The following ABCD3 variants were observed in gnomAD, a reference collection of about 807,000 sequenced individuals.
ABCD3 encodes ATP binding cassette subfamily D member 3.
A neutral mutation model predicts 105.5 loss-of-function variants in ABCD3; 41 were observed. The ratio of observed to expected loss-of-function variants is 0.39; its 90% CI spans 0.30 to 0.50. The LOEUF (loss-of-function observed/expected upper bound fraction) is 0.50, where lower values mean the gene tolerates loss of function less well. Ranked by LOEUF, ABCD3 falls within the 20% of genes least tolerant of loss-of-function variation. The pLI, the probability that ABCD3 is intolerant of heterozygous loss-of-function variation, is 0.84. For missense variants in ABCD3, 622 were observed against 806.3 expected, an observed-to-expected ratio of 0.77 and a Z score of 2.77; for synonymous variants, 258 against 269.0, an observed-to-expected ratio of 0.96 and a Z score of 0.40.
the ABCD3 span, among the ~76,000 whole-genome samples, chr1:94,398,584 A>G: frequency 1.6e-4 from 25 of 152,192 alleles, no homozygotes; most frequent in East Asian, 2.9e-3. Context: ...TCTGCATTCC[A>G]TCTTGGGATT....
At chr1:94,510,893 G>A (rs1346501925) in intron 21 of ABCD3, among the ~76,000 whole-genome samples, 11 of 152,030 alleles carry the variant, frequency 7.2e-5, no homozygotes, top group Non-Finnish European at 1.2e-4. Context: ...GTCTCTGCAC[G>A]TGAGATGGGT....
the ABCD3 span, among the ~76,000 whole-genome samples, chr1:94,413,380 C>T: frequency 7.9e-5 from 12 of 152,068 alleles, no homozygotes; most frequent in East Asian, 2.1e-3. Flanking sequence ...ATAAACACTA[C>T]GGGAGCTCTG....
the ABCD3 span, among the ~76,000 whole-genome samples, chr1:94,405,162 CA>C: frequency 6.6e-6 from 1 of 151,924 alleles, no homozygotes; most frequent in African/African-American, 2.4e-5. Context: ...ATGTAAATTC[CA>C]AAAGGTAACA....
chr1:94,475,821 T>TG, intron 7 of ABCD3, 84 bp downstream of exon 7: 3 of 1,071,174 alleles, frequency 2.8e-6, no homozygotes, highest in Non-Finnish European at 4.2e-6. Context: ...ATTGATTTTG[T>TG]GGACATAACA....
At chr1:94,474,266 A>G (rs1303618898) in intron 5 of ABCD3, among the ~76,000 whole-genome samples, 1 of 151,574 alleles carries the variant, frequency 6.6e-6, no homozygotes, top group African/African-American at 2.4e-5. Flanking sequence ...AGAGGGGGGA[A>G]TGCAAATCAT....
At chr1:94,513,525 C>G (rs919531600) in intron 21 of ABCD3, 1 of 151,962 alleles carries the variant, frequency 6.6e-6, no homozygotes, top group Admixed American at 6.6e-5. Context: ...AGCTACAAAA[C>G]TAATATAAAC....
intron 1 of ABCD3, among the ~76,000 whole-genome samples, chr1:94,419,836 A>G (rs755060673): frequency 1.1e-4 from 16 of 152,140 alleles, no homozygotes; most frequent in Non-Finnish European, 1.5e-4. Flanking sequence ...CTGGGCAATA[A>G]CAGCGCTTAC....
intron 1 of ABCD3, among the ~76,000 whole-genome samples, chr1:94,450,542 G>A (rs1488259758): frequency 6.6e-6 from 1 of 152,248 alleles, no homozygotes; most frequent in African/African-American, 2.4e-5. Flanking sequence ...TGTTCCTGCT[G>A]CAGATAACTA....
the ABCD3 span, chr1:94,406,755 T>C: frequency 1.3e-5 from 2 of 154,110 alleles, no homozygotes; most frequent in African/African-American, 4.8e-5. Context: ...GCCCATCTCC[T>C]TGATGTTTAT....
chr1:94,486,185 C>T (rs1227683069), intron 10 of ABCD3, among the ~76,000 whole-genome samples: 1 of 152,058 alleles, frequency 6.6e-6, no homozygotes, highest in Non-Finnish European at 1.5e-5. Context: ...GAGTGAGACT[C>T]TGTCTCAAAA....
chr1:94,391,634 A>C, the ABCD3 span, among the ~76,000 whole-genome samples: 1 of 152,116 alleles, frequency 6.6e-6, no homozygotes. Flanking sequence ...TTAGCACTGC[A>C]CTCCTCATTG....
chr1:94,513,032 T>A (rs981774475), intron 21 of ABCD3, among the ~76,000 whole-genome samples: 12 of 152,084 alleles, frequency 7.9e-5, no homozygotes, highest in African/African-American at 2.9e-4. Context: ...ATCTGCATTT[T>A]ACCAAAATTC....
At chr1:94,435,673 G>A (rs1659876313) in intron 1 of ABCD3, among the ~76,000 whole-genome samples, 1 of 152,174 alleles carries the variant, frequency 6.6e-6, no homozygotes, top group Non-Finnish European at 1.5e-5. Flanking sequence ...CTTATAAGGT[G>A]GAATGCTTCC....
chr1:94,480,385 A>G, intron 8 of ABCD3, 79 bp from the exon 9 acceptor site: 1 of 1,563,714 alleles, frequency 6.4e-7, no homozygotes, highest in Admixed American at 1.7e-5. Context: ...TAATTATAAA[A>G]ATTGTACATG....
At chr1:94,465,972 A>C (rs999676030) in intron 3 of ABCD3, among the ~76,000 whole-genome samples, 1 of 151,914 alleles carries the variant, frequency 6.6e-6, no homozygotes, top group Admixed American at 6.6e-5. Context: ...GCAGTTCCCA[A>C]AGAAAACGTA....
intron 20 of ABCD3, among the ~76,000 whole-genome samples, chr1:94,500,443 AAAAT>A (rs1235108745): frequency 2.0e-5 from 3 of 152,096 alleles, no homozygotes; most frequent in Non-Finnish European, 2.9e-5. Context: ...CGTCTCTCTA[AAAAT>A]AAATAAATAA....
intron 13 of ABCD3, among the ~76,000 whole-genome samples, chr1:94,489,427 A>C (rs1190011226): frequency 3.9e-5 from 6 of 152,064 alleles, no homozygotes; most frequent in African/African-American, 1.4e-4. Flanking sequence ...GTCCTTTTGT[A>C]GTATCCAAGA....
At chr1:94,420,614 A>G (rs1378854217) in intron 1 of ABCD3, among the ~76,000 whole-genome samples, 1 of 152,150 alleles carries the variant, frequency 6.6e-6, no homozygotes, top group Non-Finnish European at 1.5e-5. Context: ...ATAATCATGA[A>G]GTTTAAATTG....
chr1:94,468,300 A>C (rs951851481), intron 4 of ABCD3, among the ~76,000 whole-genome samples: 1 of 152,226 alleles, frequency 6.6e-6, no homozygotes, highest in African/African-American at 2.4e-5. Flanking sequence ...AAAATGCAGC[A>C]TAATAAGTGC....
Sources: gnomAD v4.1 joint callset for allele counts (sites outside exome capture counted in the v4.1 genomes callset) on GRCh38, gnomAD v4.1.1 for gene constraint, MANE v1.5 for transcripts, NCBI Gene and HGNC (gene_info 2026-07-23, HGNC 2026-07-21) for gene names.